RANBP17: variants seen among roughly 807,000 people sequenced by gnomAD.
RANBP17 encodes ran-binding protein 17.
Under a neutral mutation model 141.2 loss-of-function variants are expected in RANBP17, and 158 were observed. The observed-to-expected ratio is 1.12, with a 90% CI of 0.98 to 1.28. The LOEUF is 1.28. RANBP17 is among the 50% of genes most tolerant of loss of function. The probability of loss-of-function intolerance (pLI) is 0.00; values close to 1 mark genes in which losing one functional copy is unlikely to be tolerated. For missense variants in RANBP17, 1,438 were observed against 1,290.7 expected, an observed-to-expected ratio of 1.11 and a Z score of -1.75; for synonymous variants, 430 against 450.0, an observed-to-expected ratio of 0.96 and a Z score of 0.56.
intron 14 of RANBP17, among the ~76,000 whole-genome samples, chr5:171,056,383 G>C (rs1188892090): frequency 1.3e-5 from 2 of 152,036 alleles, no homozygotes; most frequent in Admixed American, 1.3e-4. Flanking sequence ...ATGACAACAT[G>C]TCTTAGGGCA....
chr5:171,072,513 A>G (rs755955843), intron 14 of RANBP17, among the ~76,000 whole-genome samples: 1 of 152,170 alleles, frequency 6.6e-6, no homozygotes, highest in Non-Finnish European at 1.5e-5. Context: ...ATGGATGGCA[A>G]ACAAGGATAT....
intron 14 of RANBP17, among the ~76,000 whole-genome samples, chr5:171,118,954 G>T (rs981004633): frequency 5.3e-5 from 8 of 152,042 alleles, no homozygotes; most frequent in Non-Finnish European, 1.2e-4. Flanking sequence ...CGACTTCAGT[G>T]CTATGTTGAA....
At chr5:170,933,117 G>T (rs111644813) in intron 12 of RANBP17, among the ~76,000 whole-genome samples, 25 of 151,990 alleles carry the variant, frequency 1.6e-4, no homozygotes, top group African/African-American at 6.0e-4. Context: ...CAGGGATTCA[G>T]CTTCTTCCTG....
intron 11 of RANBP17, among the ~76,000 whole-genome samples, chr5:170,921,655 T>C (rs1177956571): frequency 6.6e-6 from 1 of 152,194 alleles, no homozygotes; most frequent in African/African-American, 2.4e-5. Flanking sequence ...GGGGATAGCA[T>C]TGAATCTATA....
intron 3 of RANBP17, among the ~76,000 whole-genome samples, chr5:170,891,851 C>T (rs557213819): frequency 3.9e-5 from 6 of 152,258 alleles, no homozygotes; most frequent in Non-Finnish European, 7.4e-5. Flanking sequence ...AGCCTGGTTT[C>T]GGTTTTCTGC....
At chr5:170,939,344 A>C (rs1470153269) in intron 12 of RANBP17, among the ~76,000 whole-genome samples, 1 of 151,264 alleles carries the variant, frequency 6.6e-6, no homozygotes, top group Non-Finnish European at 1.5e-5. Context: ...GAAATTGGTA[A>C]ACTCAAAAAT....
chr5:171,265,871 C>A, intron 25 of RANBP17, 24 bp downstream of exon 25: 3 of 1,605,354 alleles, frequency 1.9e-6, no homozygotes, highest in Non-Finnish European at 2.6e-6. Context: ...GATCACCTGG[C>A]TTAAGAAACA....
chr5:170,969,595 AT>A (rs1776843118), intron 14 of RANBP17, among the ~76,000 whole-genome samples: 1 of 151,972 alleles, frequency 6.6e-6, no homozygotes, highest in African/African-American at 2.4e-5. Flanking sequence ...TACAGTATCC[AT>A]TTGGTGTAGG....
At chr5:171,219,063 G>C (rs1763398981) in intron 21 of RANBP17, among the ~76,000 whole-genome samples, 1 of 152,130 alleles carries the variant, frequency 6.6e-6, no homozygotes, top group Non-Finnish European at 1.5e-5. Flanking sequence ...ACTTACTTTA[G>C]GAGCTCTTGT....
chr5:170,866,530 C>T (rs983475396), intron 1 of RANBP17, among the ~76,000 whole-genome samples: 5 of 152,078 alleles, frequency 3.3e-5, no homozygotes, highest in African/African-American at 1.2e-4. Flanking sequence ...ACAAAATTAG[C>T]TGGGCGTGGT....
rs185653820 is a variant in RANBP17 at position 171,065,348 on chromosome 5, G to C, written c.1710+96971G>C. Among the ~76,000 whole-genome samples, 372 of 152,228 alleles carry C rather than the reference G, an allele frequency of 2.4e-3. 2 individuals are homozygous for C. Among genetic ancestry groups the C allele is most frequent in the Non-Finnish European group, 2.8e-3 (193 of 68,014 alleles). Reference sequence around the variant, plus strand: ...TTTGGCATGAAACTGTTCCACCTCAGACCATCAGGCATCACTTAGATTCTC... The same window carrying C: ...TTTGGCATGAAACTGTTCCACCTCACACCATCAGGCATCACTTAGATTCTC... On this transcript the variant is annotated intron_variant, in intron 14 of 27. Transcript: ENST00000523189.
intron 14 of RANBP17, among the ~76,000 whole-genome samples, chr5:171,031,695 C>T (rs1781559254): frequency 6.6e-6 from 1 of 152,022 alleles, no homozygotes; most frequent in Admixed American, 6.6e-5. Context: ...TCTTTAAATG[C>T]ATCCAAGATG....
At chr5:170,883,844 A>G (rs1033112803) in intron 3 of RANBP17, among the ~76,000 whole-genome samples, 1 of 152,182 alleles carries the variant, frequency 6.6e-6, no homozygotes. Context: ...CAGTTTATCC[A>G]TTCACTTACT....
intron 14 of RANBP17, among the ~76,000 whole-genome samples, chr5:171,105,593 C>G (rs1277119147): frequency 2.6e-5 from 4 of 151,850 alleles, no homozygotes; most frequent in Admixed American, 1.3e-4. Context: ...GGCACACACC[C>G]TGTAGTACTG....
intron 14 of RANBP17, among the ~76,000 whole-genome samples, chr5:171,137,602 GTGTC>G (rs1174928674): frequency 1.0e-3 from 148 of 143,560 alleles, no homozygotes; most frequent in South Asian, 3.4e-3. Flanking sequence ...GTGTGTGTGT[GTGTC>G]TGTGTGTGTG....
chr5:171,046,931 A>C (rs7711460), intron 14 of RANBP17, among the ~76,000 whole-genome samples: 2,757 of 151,976 alleles, frequency 0.018, 80 homozygotes, highest in African/African-American at 0.064. Context: ...GCACAATCTT[A>C]ATTTTTATAA....
chr5:171,244,717 G>A (rs936449769), intron 24 of RANBP17, among the ~76,000 whole-genome samples: 2 of 152,116 alleles, frequency 1.3e-5, no homozygotes, highest in South Asian at 2.1e-4. Flanking sequence ...AAATCACTGG[G>A]ATTACAAGCA....
intron 5 of RANBP17, among the ~76,000 whole-genome samples, chr5:170,902,982 G>T (rs116282451): frequency 6.6e-6 from 1 of 152,086 alleles, no homozygotes; most frequent in East Asian, 1.9e-4. Context: ...GATGTCTCCC[G>T]GTCAGGAGGC....
chr5:171,135,602 A>G (rs968722094), intron 14 of RANBP17, among the ~76,000 whole-genome samples: 1 of 152,180 alleles, frequency 6.6e-6, no homozygotes, highest in Admixed American at 6.5e-5. Context: ...CCCTTGCCCC[A>G]CAACAAACAA....
Sources: gnomAD v4.1 joint callset for allele counts (sites outside exome capture counted in the v4.1 genomes callset) on GRCh38, gnomAD v4.1.1 for gene constraint, MANE v1.5 for transcripts, NCBI Gene and HGNC (gene_info 2026-07-23, HGNC 2026-07-21) for gene names.